TNPO1: variants seen among roughly 807,000 people sequenced by gnomAD.
TNPO1 encodes the protein transportin-1.
TNPO1 carries 8 observed loss-of-function variants against 119.5 expected under a neutral mutation model. That is an observed-to-expected ratio of 0.07 (90% confidence interval 0.04 to 0.12). TNPO1 has a LOEUF of 0.12. Ranked by LOEUF, TNPO1 falls within the 10% of genes least tolerant of loss-of-function variation. The pLI is 1.00. For synonymous variants in TNPO1, 362 were observed against 363.0 expected, an observed-to-expected ratio of 1.00 and a Z score of 0.03; for missense variants, 576 against 1,089.8, an observed-to-expected ratio of 0.53 and a Z score of 6.64.
intron 13 of TNPO1, 107 bp downstream of exon 13, chr5:72,888,410 G>C: frequency 1.0e-6 from 1 of 1,002,324 alleles, no homozygotes; most frequent in Non-Finnish European, 1.4e-6. Flanking sequence ...TTTCGTAATT[G>C]AAAATTTTCC....
intron 6 of TNPO1, among the ~76,000 whole-genome samples, chr5:72,866,682 A>G (rs1746931321): frequency 6.6e-6 from 1 of 152,198 alleles, no homozygotes; most frequent in Admixed American, 6.5e-5. Flanking sequence ...TAAGCCCAGA[A>G]GAAGGAGGTT....
In TNPO1 at chr5:72,903,692, T is replaced by C. The variant is rs1365813593; in HGVS notation, c.2515-17T>C. 2 of 1,577,768 alleles carry C rather than the reference T, an allele frequency of 1.3e-6. No individual in the cohort carries two copies. Among genetic ancestry groups the C allele is most frequent in the Non-Finnish European group, 1.7e-6 (2 of 1,153,824 alleles). On this transcript the variant is annotated splice_polypyrimidine_tract_variant and intron_variant, in intron 22 of 24. Coordinates refer to ENST00000337273, the MANE Select transcript of TNPO1 (RefSeq NM_002270.4). ...AAATACAATATCAACCTAAGATGTA[T>C]TTCTTGCTTGTTACAGGATTTTATA...
At chr5:72,867,530 C>T (rs1276081662) in intron 6 of TNPO1, among the ~76,000 whole-genome samples, 1 of 152,124 alleles carries the variant, frequency 6.6e-6, no homozygotes, top group East Asian at 1.9e-4. Context: ...TTGAATTATT[C>T]TTAGTTGATG....
At chr5:72,898,792 G>A (rs1749621338) in intron 20 of TNPO1, among the ~76,000 whole-genome samples, 1 of 152,030 alleles carries the variant, frequency 6.6e-6, no homozygotes, top group Non-Finnish European at 1.5e-5. Context: ...TTTGAACATA[G>A]GTTTTCTTTC....
At position 72,903,508 on chromosome 5, in the gene TNPO1, G is replaced by A. The variant is rs115995451; in HGVS notation, c.2515-201G>A. Among the ~76,000 whole-genome samples, 724 of 152,310 alleles carry A rather than the reference G, an allele frequency of 4.8e-3. 7 individuals carry two copies. The highest frequency in any genetic ancestry group is 0.017 in the African/African-American group (703 of 41,574). On this transcript the variant is annotated intron_variant, in intron 22 of 24. Transcript: ENST00000337273. ...TTAAAGTCCAGTATAAACTGAATGA[G>A]TTGAGGTTCCTTGACTGTGGGCTAA... is the stretch of plus-strand genomic sequence containing the variant.
intron 3 of TNPO1, among the ~76,000 whole-genome samples, chr5:72,852,413 T>C (rs1312310660): frequency 2.0e-5 from 3 of 152,188 alleles, no homozygotes; most frequent in Non-Finnish European, 4.4e-5. Flanking sequence ...GGAGCTTACG[T>C]TGTAGTGAGA....
At chr5:72,841,560 C>G (rs1358815372) in intron 1 of TNPO1, among the ~76,000 whole-genome samples, 1 of 151,790 alleles carries the variant, frequency 6.6e-6, no homozygotes, top group Non-Finnish European at 1.5e-5. Flanking sequence ...CACCAGGTCT[C>G]GAACTCATGA....
rs1470153854 is a variant in TNPO1, at chr5:72,887,158, A to T, written c.1239A>T (p.Leu413Phe). 4 of 1,613,870 alleles carry T rather than the reference A, an allele frequency of 2.5e-6. No homozygotes were observed. The highest frequency in any genetic ancestry group is 3.4e-6 in the Non-Finnish European group (4 of 1,179,916). Reference protein sequence around the residue: ...LPHILPLLKELLFHHEWVVKE... With the variant: ...LPHILPLLKEFLFHHEWVVKE... Reference sequence around the variant, plus strand: ...ATATTTTGCCCCTTTTGAAAGAATTACTTTTTCATCATGAATGGGTTGTTA... The same window carrying T: ...ATATTTTGCCCCTTTTGAAAGAATTTCTTTTTCATCATGAATGGGTTGTTA... The change falls in exon 12 of 25, where the codon TTA becomes TTT. Residue 413 changes from leucine (L) to phenylalanine (F), a missense_variant. Transcript: ENST00000337273.
intron 1 of TNPO1, among the ~76,000 whole-genome samples, chr5:72,837,896 A>G (rs1318416847): frequency 6.6e-6 from 1 of 152,248 alleles, no homozygotes; most frequent in African/African-American, 2.4e-5. Context: ...CAATGAGTGT[A>G]TGACTCCAGA....
At chr5:72,863,512 C>T (rs1256338016) in intron 5 of TNPO1, among the ~76,000 whole-genome samples, 1 of 152,044 alleles carries the variant, frequency 6.6e-6, no homozygotes, top group East Asian at 1.9e-4. Context: ...GTAATCCCAG[C>T]ACTTTGGGAG....
At chr5:72,877,373 C>A in intron 9 of TNPO1, 27 bp downstream of exon 9, 1 of 1,128,696 alleles carries the variant, frequency 8.9e-7, no homozygotes, top group Non-Finnish European at 1.3e-6. Context: ...ATAAATGCTG[C>A]CTTGTTCTTT....
At chr5:72,872,794 A>G (rs1378755989) in intron 7 of TNPO1, 74 bp downstream of exon 7, 6 of 797,190 alleles carry the variant, frequency 7.5e-6, no homozygotes, top group Non-Finnish European at 9.9e-6. Flanking sequence ...TGCTAACTGC[A>G]TGTAGTTTTG....
rs143074086 is a variant in TNPO1 at position 72,843,025 on chromosome 5, A to G, written c.16-5360A>G. On this transcript the variant is annotated intron_variant, in intron 1 of 24. Coordinates refer to ENST00000337273, the MANE Select transcript of TNPO1 (RefSeq NM_002270.4). ...CATAATGTTTTCACAGCCCTTAGTCATTTACCATAGTCATTCTCCACTGAG... is the reference window on the plus strand; with the variant it reads ...CATAATGTTTTCACAGCCCTTAGTCGTTTACCATAGTCATTCTCCACTGAG... 2.0e-3 allele frequency among the ~76,000 whole-genome samples: 304 copies of G among 152,228 alleles called. 3 individuals are homozygous for G. Among genetic ancestry groups the G allele is most frequent in the African/African-American group, 7.1e-3 (294 of 41,548 alleles).
chr5:72,848,069 AC>A, intron 1 of TNPO1: 7 of 1,091,940 alleles, frequency 6.4e-6, no homozygotes, highest in Non-Finnish European at 7.8e-6. Context: ...TGGCACTAGG[AC>A]CCAGGGGGCT....
rs1750373487 is a variant in TNPO1 at position 72,909,015 on chromosome 5, C to T, written c.*342C>T. The T allele has an allele frequency of 2.8e-6, 1 of 355,160 alleles. No individual in the cohort carries two copies. The highest frequency in any genetic ancestry group is 5.7e-6 in the Non-Finnish European group (1 of 176,384). 22.0% of individuals were successfully genotyped at this position (355,160 alleles called of 1,614,324 possible). On this transcript the variant is annotated 3_prime_UTR_variant, in exon 25 of 25. Coordinates refer to ENST00000337273, the MANE Select transcript of TNPO1 (RefSeq NM_002270.4). Reference sequence around the variant, plus strand: ...TGTGGAATATTATGGGGAATTGTACCAAAACAAGAACCATATAAATGATGC... The same window carrying T: ...TGTGGAATATTATGGGGAATTGTACTAAAACAAGAACCATATAAATGATGC...
intron 6 of TNPO1, 55 bp from the exon 7 acceptor site, chr5:72,872,584 A>T: frequency 7.8e-7 from 1 of 1,285,300 alleles, no homozygotes; most frequent in Non-Finnish European, 1.1e-6. Flanking sequence ...CCAATTTTCT[A>T]TAGATAGAAC....
At chr5:72,825,060 C>A (rs1001171043) in intron 1 of TNPO1, among the ~76,000 whole-genome samples, 4 of 152,170 alleles carry the variant, frequency 2.6e-5, no homozygotes, top group Non-Finnish European at 5.9e-5. Flanking sequence ...AATCTGTTTT[C>A]TGTATCGTCA....
intron 6 of TNPO1, among the ~76,000 whole-genome samples, chr5:72,870,749 T>C (rs957492006): frequency 1.3e-5 from 2 of 152,132 alleles, no homozygotes; most frequent in Non-Finnish European, 2.9e-5. Flanking sequence ...CCTCTGGAGG[T>C]TGGGGATAGG....
chr5:72,896,840 G>T (rs1749466511), intron 19 of TNPO1, among the ~76,000 whole-genome samples: 1 of 152,194 alleles, frequency 6.6e-6, no homozygotes. Flanking sequence ...CTGCACTCCA[G>T]CCTGGTGACG....
Sources: gnomAD v4.1 joint callset for allele counts (sites outside exome capture counted in the v4.1 genomes callset) on GRCh38, gnomAD v4.1.1 for gene constraint, MANE v1.5 for transcripts, NCBI Gene and HGNC (gene_info 2026-07-23, HGNC 2026-07-21) for gene names.